EPHB2: variants seen among roughly 807,000 people sequenced by gnomAD.
The protein encoded by EPHB2 is ephrin type-B receptor 2.
In EPHB2, 18 loss-of-function variants were observed where a neutral mutation model predicts 96.4. The ratio of observed to expected loss-of-function variants is 0.19; its 90% confidence interval spans 0.13 to 0.28. The LOEUF (loss-of-function observed/expected upper bound fraction) is 0.28. EPHB2 is among the 10% of genes least tolerant of loss of function. The pLI is 1.00. For missense variants in EPHB2, 989 were observed against 1,355.4 expected (o/e 0.73, Z 4.25); for synonymous variants, 506 against 534.1 (o/e 0.95, Z 0.72).
chr1:22,735,541 C>T (rs1240346145), intron 1 of EPHB2, among the ~76,000 whole-genome samples: 1 of 152,066 alleles, frequency 6.6e-6, no homozygotes, highest in Non-Finnish European at 1.5e-5. Context: ...TGCTGGCTTA[C>T]CCCAGGCCTG....
In EPHB2 at chr1:22,920,418, T is replaced by A. The variant is rs1192113249; in HGVS notation, c.*6848T>A. The A allele has an allele frequency of 6.6e-6, 1 of 152,332 alleles. No individual in the cohort carries two copies. The highest frequency in any genetic ancestry group is 2.4e-5 in the African/African-American group (1 of 41,446). The allele number at this position is 152,332 out of a possible 1,614,324, so 9.4% of individuals were successfully genotyped here. On this transcript the variant is annotated 3_prime_UTR_variant, in exon 16 of 16. Transcript: ENST00000374630. The stretch of plus-strand genomic sequence containing the variant: ...CCCCTTCCTATTCAGAGCCAGAGTC[T>A]TAACACTGGACAACCACAGGGTGTT...
At chr1:22,726,664 T>C (rs1643588646) in intron 1 of EPHB2, among the ~76,000 whole-genome samples, 1 of 152,132 alleles carries the variant, frequency 6.6e-6, no homozygotes. Context: ...TCAAGTGATC[T>C]GCCCGCCTCA....
chr1:22,773,405 C>G (rs1009295096), intron 1 of EPHB2, among the ~76,000 whole-genome samples: 2 of 152,182 alleles, frequency 1.3e-5, no homozygotes, highest in African/African-American at 4.8e-5. Context: ...CCCCACCAGC[C>G]CCAGACAGGG....
chr1:22,873,327 G>T (rs1638733386), intron 5 of EPHB2, among the ~76,000 whole-genome samples: 1 of 152,160 alleles, frequency 6.6e-6, no homozygotes, highest in Non-Finnish European at 1.5e-5. Context: ...GGGACAACTG[G>T]AGCAACAACT....
intron 1 of EPHB2, among the ~76,000 whole-genome samples, chr1:22,743,543 T>C (rs1329751372): frequency 6.6e-6 from 1 of 152,198 alleles, no homozygotes; most frequent in African/African-American, 2.4e-5. Context: ...TGATCTTGGC[T>C]CACTGCAACC....
chr1:22,759,342 A>G (rs950259748), intron 1 of EPHB2, among the ~76,000 whole-genome samples: 3 of 150,796 alleles, frequency 2.0e-5, no homozygotes, highest in Non-Finnish European at 1.5e-5. Context: ...GTACTTCTCA[A>G]TTCTTCAGGT....
intron 3 of EPHB2, among the ~76,000 whole-genome samples, chr1:22,785,418 C>T (rs888482136): frequency 7.2e-5 from 11 of 152,324 alleles, no homozygotes; most frequent in South Asian, 2.1e-4. Flanking sequence ...TTTAAGAAAA[C>T]GTATGTTATA....
At chr1:22,807,736 G>T (rs1644947236) in intron 3 of EPHB2, among the ~76,000 whole-genome samples, 1 of 152,252 alleles carries the variant, frequency 6.6e-6, no homozygotes, top group Non-Finnish European at 1.5e-5. Context: ...GAGTGACTTT[G>T]CAGGGAGAGG....
At chr1:22,868,244 G>A (rs1638548892) in intron 5 of EPHB2, among the ~76,000 whole-genome samples, 1 of 152,174 alleles carries the variant, frequency 6.6e-6, no homozygotes, top group Non-Finnish European at 1.5e-5. Context: ...GGTTTCCGGG[G>A]AATAGGCACA....
chr1:22,853,453 A>G (rs966750739), intron 3 of EPHB2, among the ~76,000 whole-genome samples: 1 of 152,240 alleles, frequency 6.6e-6, no homozygotes, highest in African/African-American at 2.4e-5. Flanking sequence ...AGAGGCAGAC[A>G]GTCACCATCC....
intron 1 of EPHB2, among the ~76,000 whole-genome samples, chr1:22,713,414 C>T (rs1318837405): frequency 1.3e-5 from 2 of 152,164 alleles, no homozygotes; most frequent in Non-Finnish European, 2.9e-5. Context: ...CGTCTACGCC[C>T]TACTTCCCCT....
At chr1:22,802,654 C>T (rs1202826709) in intron 3 of EPHB2, among the ~76,000 whole-genome samples, 1 of 152,120 alleles carries the variant, frequency 6.6e-6, no homozygotes, top group African/African-American at 2.4e-5. Flanking sequence ...CCACCCGCAC[C>T]ACCCAGCCCC....
At chr1:22,736,845 C>T (rs922895255) in intron 1 of EPHB2, among the ~76,000 whole-genome samples, 2 of 152,136 alleles carry the variant, frequency 1.3e-5, no homozygotes, top group South Asian at 4.1e-4. Context: ...AATGGAGACA[C>T]AGGACTCAGC....
intron 1 of EPHB2, among the ~76,000 whole-genome samples, chr1:22,770,903 G>A (rs1487946853): frequency 6.6e-6 from 1 of 152,114 alleles, no homozygotes; most frequent in Non-Finnish European, 1.5e-5. Context: ...TAGATGGGTG[G>A]GTGGGTAAGT....
At chr1:22,744,927 A>G (rs972496790) in intron 1 of EPHB2, among the ~76,000 whole-genome samples, 5 of 152,202 alleles carry the variant, frequency 3.3e-5, no homozygotes, top group African/African-American at 1.2e-4. Flanking sequence ...CAGTGGAAGT[A>G]GATTGTCATA....
chr1:22,806,488 C>T (rs1186705323), intron 3 of EPHB2, among the ~76,000 whole-genome samples: 2 of 77,342 alleles, frequency 2.6e-5, no homozygotes, highest in South Asian at 5.6e-4. Context: ...GACGGACGGA[C>T]GGACGGACGG....
In EPHB2 at chr1:22,915,402, T is replaced by C. The variant is rs1018896392; in HGVS notation, c.*1832T>C. 6.6e-6 allele frequency: 1 copy of C among 152,206 alleles called. No individual in the cohort carries two copies. Among genetic ancestry groups the C allele is most frequent in the African/African-American group, 2.4e-5 (1 of 41,442 alleles). 9.4% of individuals were successfully genotyped at this position (152,206 alleles called of 1,614,324 possible). A position where few individuals can be genotyped will look rare whatever the true frequency, so the allele number is the denominator to read the frequency against. The stretch of plus-strand genomic sequence containing the variant: ...TGCACGTGACCCAGGTGCTAAGGGT[T>C]GCTCTTCTAAGCAGCCCTTCCTCCC... On this transcript the variant is annotated 3_prime_UTR_variant, in exon 16 of 16. Coordinates refer to ENST00000374630, the MANE Select transcript of EPHB2 (RefSeq NM_017449.5).
chr1:22,889,606 A>G (rs1273923901), intron 6 of EPHB2, among the ~76,000 whole-genome samples: 1 of 152,166 alleles, frequency 6.6e-6, no homozygotes, highest in African/African-American at 2.4e-5. Flanking sequence ...TATTAGGACA[A>G]TAGGTGGGAG....
intron 6 of EPHB2, among the ~76,000 whole-genome samples, chr1:22,886,918 G>A (rs977673748): frequency 6.6e-6 from 1 of 151,984 alleles, no homozygotes; most frequent in African/African-American, 2.4e-5. Flanking sequence ...GAGCCACCGC[G>A]CCCGGCCAGC....
Sources: gnomAD v4.1 joint callset for allele counts (sites outside exome capture counted in the v4.1 genomes callset) on GRCh38, gnomAD v4.1.1 for gene constraint, MANE v1.5 for transcripts, NCBI Gene and HGNC (gene_info 2026-07-23, HGNC 2026-07-21) for gene names.